Variants in RAB7A observed in about 807,000 individuals in gnomAD.
The protein encoded by RAB7A is RAB7A, member RAS oncogene family.
In RAB7A, 2 loss-of-function variants were observed where a neutral mutation model predicts 24.5. The ratio of observed to expected loss-of-function variants is 0.08; its 90% CI spans 0.03 to 0.26. The LOEUF is 0.26. RAB7A is among the 10% of genes least tolerant of loss of function. The pLI is 1.00. For synonymous variants in RAB7A, 100 were observed against 95.9 expected, an observed-to-expected ratio of 1.04 and a Z score of -0.25; for missense variants, 118 against 255.7, an observed-to-expected ratio of 0.46 and a Z score of 3.67.
chr3:128,772,173 G>A (rs1932960407), intron 1 of RAB7A, among the ~76,000 whole-genome samples: 1 of 152,182 alleles, frequency 6.6e-6, no homozygotes, highest in South Asian at 2.1e-4. Context: ...TTTTCCACAG[G>A]GAAGGATTAT....
At chr3:128,738,645 C>T (rs1000418424) in intron 1 of RAB7A, among the ~76,000 whole-genome samples, 2 of 152,184 alleles carry the variant, frequency 1.3e-5, no homozygotes, top group African/African-American at 4.8e-5. Flanking sequence ...CACAGATTAT[C>T]TTATAGTTGT....
In RAB7A at chr3:128,768,144, A is replaced by G. The variant is rs559759749; in HGVS notation, c.-8-27216A>G. 3.9e-5 allele frequency among the ~76,000 whole-genome samples: 6 copies of G among 152,126 alleles called. No homozygotes were observed. In the South Asian group the frequency reaches 1.2e-3, roughly 32 times the overall value. On this transcript the variant is annotated intron_variant, in intron 1 of 5. Transcript: ENST00000265062. ...TGCTTTCTAGTTCGCATTTTCTGGT[A>G]TTTTGTATAAATGGGATCTGTATAT...
intron 1 of RAB7A, among the ~76,000 whole-genome samples, chr3:128,727,522 G>T (rs377589536): frequency 6.6e-6 from 1 of 152,154 alleles, no homozygotes; most frequent in South Asian, 2.1e-4. Flanking sequence ...AAGAAATGCC[G>T]TTTGCGACTT....
intron 1 of RAB7A, among the ~76,000 whole-genome samples, chr3:128,732,737 G>A (rs1189320394): frequency 6.6e-6 from 1 of 152,120 alleles, no homozygotes; most frequent in Non-Finnish European, 1.5e-5. Flanking sequence ...TGAGACGGGA[G>A]GATCACTTGA....
intron 1 of RAB7A, among the ~76,000 whole-genome samples, chr3:128,740,161 C>T (rs543256300): frequency 4.7e-4 from 71 of 152,228 alleles, no homozygotes; most frequent in African/African-American, 1.5e-3. Flanking sequence ...GGGTGGATCA[C>T]GAGGTCAGGA....
At chr3:128,783,931 C>G (rs1337731162) in intron 1 of RAB7A, among the ~76,000 whole-genome samples, 1 of 152,156 alleles carries the variant, frequency 6.6e-6, no homozygotes, top group Admixed American at 6.5e-5. Context: ...TGGTAGTGCT[C>G]TCTCCTTTGC....
At chr3:128,779,272 G>C (rs1351724701) in intron 1 of RAB7A, among the ~76,000 whole-genome samples, 5 of 151,954 alleles carry the variant, frequency 3.3e-5, no homozygotes, top group Non-Finnish European at 7.4e-5. Flanking sequence ...AAATTTGCCG[G>C]GTGTGGTGGT....
chr3:128,799,922 C>T (rs1381734098), intron 3 of RAB7A, among the ~76,000 whole-genome samples: 1 of 151,806 alleles, frequency 6.6e-6, no homozygotes, highest in Non-Finnish European at 1.5e-5. Context: ...AAATAATGTA[C>T]CACAAGAGAT....
chr3:128,768,920 C>G (rs1039817532), intron 1 of RAB7A, among the ~76,000 whole-genome samples: 4 of 150,198 alleles, frequency 2.7e-5, no homozygotes, highest in Non-Finnish European at 4.4e-5. Context: ...AATTACAGAA[C>G]CGTTTCTTTT....
intron 1 of RAB7A, among the ~76,000 whole-genome samples, chr3:128,769,189 C>T (rs114093475): frequency 0.026 from 3,948 of 151,692 alleles, 76 homozygotes; most frequent in Non-Finnish European, 0.044. Context: ...CCACCACACC[C>T]GGCCCAGAAC....
At chr3:128,774,177 G>A in intron 1 of RAB7A, among the ~76,000 whole-genome samples, 1 of 134,366 alleles carries the variant, frequency 7.4e-6, no homozygotes, top group South Asian at 2.4e-4. Flanking sequence ...CCTAATATAT[G>A]TATTAACTAA....
At chr3:128,775,812 T>C (rs1189760859) in intron 1 of RAB7A, among the ~76,000 whole-genome samples, 1 of 152,206 alleles carries the variant, frequency 6.6e-6, no homozygotes, top group Non-Finnish European at 1.5e-5. Flanking sequence ...GTGTACAATA[T>C]GATGTTTTGA....
At chr3:128,783,689 C>A (rs28496097) in intron 1 of RAB7A, among the ~76,000 whole-genome samples, 4,070 of 152,246 alleles carry the variant, frequency 0.027, 177 homozygotes, top group African/African-American at 0.09. Context: ...TACTGCGCCA[C>A]CCCCCTGATG....
intron 1 of RAB7A, among the ~76,000 whole-genome samples, chr3:128,776,943 G>A (rs1160557065): frequency 3.9e-5 from 3 of 76,946 alleles, no homozygotes; most frequent in East Asian, 7.7e-4. Flanking sequence ...GATTAGTTGA[G>A]CTACACACAC....
At chr3:128,809,618 G>A (rs927577030) in intron 5 of RAB7A, among the ~76,000 whole-genome samples, 18 of 152,162 alleles carry the variant, frequency 1.2e-4, no homozygotes, top group African/African-American at 3.6e-4. Context: ...ATTTGGTTAT[G>A]TCATTTTAAG....
intron 1 of RAB7A, among the ~76,000 whole-genome samples, chr3:128,794,413 T>C (rs1933524379): frequency 6.6e-6 from 1 of 152,234 alleles, no homozygotes; most frequent in African/African-American, 2.4e-5. Flanking sequence ...GCTAAATTAA[T>C]AAGCGGCAAA....
chr3:128,764,322 A>T, intron 1 of RAB7A: 1 of 546,004 alleles, frequency 1.8e-6, no homozygotes, highest in Non-Finnish European at 3.3e-6. Context: ...AAATTTCTTT[A>T]TTTGAAGGAA....
At chr3:128,740,897 CAAAAAAAAAA>C (rs59043831) in intron 1 of RAB7A, among the ~76,000 whole-genome samples, 1 of 79,596 alleles carries the variant, frequency 1.3e-5, no homozygotes, top group South Asian at 4.1e-4. Flanking sequence ...GGAGATGTCT[CAAAAAAAAAA>C]AAAAAAAAAA....
At chr3:128,806,331 C>T (rs1227150912) in intron 3 of RAB7A, 41 bp from the exon 4 acceptor site, 2 of 1,564,138 alleles carry the variant, frequency 1.3e-6, no homozygotes, top group African/African-American at 1.4e-5. Flanking sequence ...TGGTGCTCTG[C>T]CTAGCATTCT....
Sources: gnomAD v4.1 joint callset for allele counts (sites outside exome capture counted in the v4.1 genomes callset) on GRCh38, gnomAD v4.1.1 for gene constraint, MANE v1.5 for transcripts, NCBI Gene and HGNC (gene_info 2026-07-23, HGNC 2026-07-21) for gene names.